PACRG: variants seen among roughly 807,000 people sequenced by gnomAD.
The protein encoded by PACRG is parkin coregulated gene protein.
In PACRG, 29 loss-of-function variants were observed where a neutral mutation model predicts 29.7. The observed-to-expected ratio is 0.98, with a 90% CI of 0.73 to 1.33. PACRG has a LOEUF of 1.33. Among genes scored for constraint, PACRG ranks in the 40% most tolerant of loss-of-function variants. The pLI is 0.00. For synonymous variants in PACRG, 116 were observed against 118.7 expected (o/e 0.98, Z 0.15); for missense variants, 279 against 316.2 (o/e 0.88, Z 0.89).
intron 1 of PACRG, among the ~76,000 whole-genome samples, chr6:162,734,610 A>G (rs989515039): frequency 3.7e-4 from 57 of 152,144 alleles, no homozygotes; most frequent in Admixed American, 3.7e-3. Flanking sequence ...TCTTCATTCC[A>G]TTTGGCTTTT....
chr6:162,799,156 C>A (rs1331257064), intron 1 of PACRG, among the ~76,000 whole-genome samples: 2 of 151,948 alleles, frequency 1.3e-5, no homozygotes, highest in African/African-American at 4.8e-5. Flanking sequence ...AACAAGCTGA[C>A]CAAACTTCAG....
At chr6:162,883,943 TG>T (rs2092720369) in intron 2 of PACRG, among the ~76,000 whole-genome samples, 1 of 152,198 alleles carries the variant, frequency 6.6e-6, no homozygotes, top group Non-Finnish European at 1.5e-5. Context: ...ACTTTTGTTT[TG>T]TTTCGTTATT....
chr6:163,114,834 G>C (rs554948271), intron 4 of PACRG, among the ~76,000 whole-genome samples: 75 of 148,426 alleles, frequency 5.1e-4, no homozygotes, highest in Middle Eastern at 3.5e-3. Context: ...AATTTCCTGA[G>C]AGTAGATATC....
Position 163,055,355 on chromosome 6 carries a change from C to T in PACRG, c.292-6795C>T, listed in dbSNP as rs897738752. Among the ~76,000 whole-genome samples the T allele has an allele frequency of 1.3e-5, 2 of 151,662 alleles. No homozygotes were observed. Among genetic ancestry groups the T allele is most frequent in the African/African-American group, 4.8e-5 (2 of 41,264 alleles). ...GCACACACACATGCACACACACACG[C>T]ACACACACGCACACATATACACACA... On this transcript the variant is annotated intron_variant, in intron 2 of 4. Transcript: ENST00000366888. This position sits in a 1 kb window ranked among gnomAD's most constrained non-coding sequence, Gnocchi z 4.0.
Position 163,269,971 on chromosome 6 carries a change from G to GA in PACRG, c.614-44853dup, listed in dbSNP as rs1167500234. On this transcript the variant is annotated intron_variant, in intron 4 of 4. Transcript: ENST00000366888. ...AGAAAGAAAGAAAGAAAGAAAGAAA[G>GA]AAAGAAAGAAAGAAAGAAAGAAAGA... is the stretch of plus-strand genomic sequence containing the variant. 2.1e-4 allele frequency among the ~76,000 whole-genome samples: 13 copies of GA among 61,234 alleles called. 3 individuals are homozygous for GA. The highest frequency in any genetic ancestry group is 6.3e-4 in the African/African-American group (10 of 15,770). 40.2% of individuals were successfully genotyped at this position (61,234 alleles called of 152,430 possible).
intron 4 of PACRG, among the ~76,000 whole-genome samples, chr6:163,102,063 C>A (rs1017455088): frequency 2.0e-5 from 3 of 152,166 alleles, no homozygotes; most frequent in Non-Finnish European, 4.4e-5. Context: ...CAGAGCCTCG[C>A]CCGGTGAACC....
At chr6:162,794,952 T>C (rs1306263225) in intron 1 of PACRG, among the ~76,000 whole-genome samples, 2 of 151,862 alleles carry the variant, frequency 1.3e-5, no homozygotes, top group Non-Finnish European at 2.9e-5. Flanking sequence ...ATACTATGAA[T>C]ATTGTGGAAA....
chr6:162,904,428 G>A (rs1005988375), intron 2 of PACRG, among the ~76,000 whole-genome samples: 2 of 152,300 alleles, frequency 1.3e-5, no homozygotes, highest in African/African-American at 4.8e-5. Context: ...GCCTGCTAGA[G>A]AATGCAGCTG....
intron 3 of PACRG, among the ~76,000 whole-genome samples, chr6:163,067,371 G>A (rs1811648399): frequency 6.6e-6 from 1 of 152,200 alleles, no homozygotes; most frequent in African/African-American, 2.4e-5. Context: ...TGGGTGGGAG[G>A]GGAAGAGATG....
chr6:162,739,001 T>G (rs1780372756), intron 1 of PACRG, among the ~76,000 whole-genome samples: 1 of 152,298 alleles, frequency 6.6e-6, no homozygotes, highest in South Asian at 2.1e-4. Context: ...TCCTTGTGCA[T>G]GAAGGCCAAA....
chr6:163,314,725 G>T (rs1186147305), intron 4 of PACRG, 102 bp from the exon 5 acceptor site: 3 of 1,272,144 alleles, frequency 2.4e-6, no homozygotes, highest in East Asian at 5.2e-5. Flanking sequence ...TTGCATGTTT[G>T]TGTCTCCTAA....
intron 2 of PACRG, among the ~76,000 whole-genome samples, chr6:162,953,033 C>T (rs1342603856): frequency 6.6e-6 from 1 of 152,122 alleles, no homozygotes; most frequent in East Asian, 1.9e-4. Flanking sequence ...TACAAAAATT[C>T]ATTGCATTTA....
In PACRG at chr6:162,947,583, CATATATATAATCAT is replaced by C. The variant is rs1181053845; in HGVS notation, c.292-114557_292-114544del. ...TCATATATATATACTCATATATAAT[CATATATATAATCAT>C]ATATATATATAATCATATATATATA... On this transcript the variant is annotated intron_variant, in intron 2 of 4. Coordinates refer to ENST00000366888, the MANE Select transcript of PACRG (RefSeq NM_001080379.2). Among the ~76,000 whole-genome samples, 18 of 42,048 alleles carry C rather than the reference CATATATATAATCAT, an allele frequency of 4.3e-4. 1 individual carries two copies. The highest frequency in any genetic ancestry group is 1.7e-3 in the African/African-American group (18 of 10,336). The allele number at this position is 42,048 out of a possible 152,430, so 27.6% of individuals were successfully genotyped here. A position where few individuals can be genotyped will look rare whatever the true frequency, so the allele number is the denominator to read the frequency against.
intron 2 of PACRG, among the ~76,000 whole-genome samples, chr6:163,024,349 G>T (rs1019974520): frequency 2.0e-5 from 3 of 152,142 alleles, no homozygotes; most frequent in African/African-American, 7.2e-5. Context: ...CCCATTGCTT[G>T]TTTTCATTGG....
At chr6:163,093,115 G>T (rs1488169420) in intron 4 of PACRG, among the ~76,000 whole-genome samples, 1 of 152,166 alleles carries the variant, frequency 6.6e-6, no homozygotes, top group Non-Finnish European at 1.5e-5. Flanking sequence ...TCCTTTCCTG[G>T]CATAATCTCT....
intron 4 of PACRG, among the ~76,000 whole-genome samples, chr6:163,272,408 G>C (rs1783865777): frequency 6.6e-6 from 1 of 151,992 alleles, no homozygotes; most frequent in African/African-American, 2.4e-5. Flanking sequence ...AGGTTTTCCA[G>C]GTGTAAATTT....
chr6:162,727,843 C>A (rs1334710812), upstream of PACRG: 3 of 647,516 alleles, frequency 4.6e-6, no homozygotes, highest in Non-Finnish European at 7.9e-6. Flanking sequence ...TGCTGGGAGT[C>A]GTAGTTCTAA....
rs1816747965 is a variant in PACRG, at chr6:163,131,696, A to G, written c.613+42288A>G. On this transcript the variant is annotated intron_variant, in intron 4 of 4. Coordinates refer to ENST00000366888, the MANE Select transcript of PACRG (RefSeq NM_001080379.2). ...TTAAGAGCCCTCAGCTGTGAATCGGAGCGATCCTACCTCCCTCACCACCGA... is the reference window on the plus strand; with the variant it reads ...TTAAGAGCCCTCAGCTGTGAATCGGGGCGATCCTACCTCCCTCACCACCGA... 2.6e-5 allele frequency among the ~76,000 whole-genome samples: 4 copies of G among 152,206 alleles called. No individual in the cohort carries two copies. In the South Asian group the frequency reaches 8.3e-4, roughly 32 times the overall value.
At chr6:163,138,670 A>G (rs2128333250) in intron 4 of PACRG, among the ~76,000 whole-genome samples, 1 of 152,160 alleles carries the variant, frequency 6.6e-6, no homozygotes, top group South Asian at 2.1e-4. Context: ...CCCACTGCTC[A>G]CCTCCTGCTA....
Sources: allele counts gnomAD v4.1 joint callset (sites outside exome capture counted in the v4.1 genomes callset), GRCh38; gene constraint gnomAD v4.1.1; non-coding constraint Gnocchi (gnomAD v3.1); transcripts MANE v1.5; gene names NCBI Gene and HGNC (gene_info 2026-07-23, HGNC 2026-07-21).